Variants in DNAH12 observed in about 807,000 individuals in gnomAD.
DNAH12 encodes the protein axonemal beta dynein heavy chain 12.
Under a neutral mutation model 371.5 loss-of-function variants are expected in DNAH12, and 285 were observed. The ratio of observed to expected loss-of-function variants is 0.77; its 90% CI spans 0.70 to 0.85. The LOEUF (loss-of-function observed/expected upper bound fraction) is 0.85, where lower values mean the gene tolerates loss of function less well. Ranked by LOEUF, DNAH12 falls within the 40% of genes least tolerant of loss-of-function variation. DNAH12 has a pLI of 0.00. For synonymous variants in DNAH12, 1,200 were observed against 1,213.0 expected (o/e 0.99, Z 0.22); for missense variants, 3,611 against 3,689.4 (o/e 0.98, Z 0.55).
At chr3:57,393,405 A>C (rs1248341283) in intron 44 of DNAH12, among the ~76,000 whole-genome samples, 1 of 152,096 alleles carries the variant, frequency 6.6e-6, no homozygotes, top group African/African-American at 2.4e-5. Flanking sequence ...AGGCAGGCGG[A>C]TCACGAGATC....
intron 58 of DNAH12, among the ~76,000 whole-genome samples, chr3:57,359,225 A>T (rs1279689302): frequency 6.6e-6 from 1 of 152,250 alleles, no homozygotes. Flanking sequence ...ATCATTTACC[A>T]TTAGTGTTCT....
At chr3:57,373,269 A>C (rs2063213345) in intron 55 of DNAH12, among the ~76,000 whole-genome samples, 2 of 151,922 alleles carry the variant, frequency 1.3e-5, no homozygotes, top group Non-Finnish European at 2.9e-5. Flanking sequence ...TTTTCACAGG[A>C]ATTAGAATTT....
rs545915722 is a variant in DNAH12, at chr3:57,429,614, T to C, written c.5064+77A>G. On this transcript the variant is annotated intron_variant, in intron 33 of 73. Transcript: ENST00000495027. ...AGTGCCTAACCCATTTTCTGACATATAATAAAAAATACTTATTGGCTAAAT... is the reference window on the plus strand; with the variant it reads ...AGTGCCTAACCCATTTTCTGACATACAATAAAAAATACTTATTGGCTAAAT... 8.2e-6 allele frequency: 11 copies of C among 1,337,008 alleles called. No individual in the cohort carries two copies. The South Asian group carries it at 1.0e-4, about 12-fold the overall frequency. 82.8% of individuals were successfully genotyped at this position (1,337,008 alleles called of 1,614,324 possible). A position where few individuals can be genotyped will look rare whatever the true frequency, so the allele number is the denominator to read the frequency against.
intron 60 of DNAH12, among the ~76,000 whole-genome samples, chr3:57,344,526 G>C (rs1355171681): frequency 6.6e-6 from 1 of 152,048 alleles, no homozygotes; most frequent in Non-Finnish European, 1.5e-5. Flanking sequence ...AATAACCAAG[G>C]TATGGAATCA....
In DNAH12 at chr3:57,421,714, T is replaced by G; in HGVS notation, c.5374-8A>C. On this transcript the variant is annotated splice_region_variant and splice_polypyrimidine_tract_variant and intron_variant, in intron 35 of 73. Transcript: ENST00000495027. ...AGAGAATATAAAGCAAGCCTGTTGGTGGAGAAAAAATTTAACTTATAGCAA... is the reference window on the plus strand; with the variant it reads ...AGAGAATATAAAGCAAGCCTGTTGGGGGAGAAAAAATTTAACTTATAGCAA... 6.4e-7 allele frequency: 1 copy of G among 1,551,450 alleles called. No homozygotes were observed.
the DNAH12 span, among the ~76,000 whole-genome samples, chr3:57,553,046 C>T: frequency 6.6e-6 from 1 of 152,034 alleles, no homozygotes; most frequent in Non-Finnish European, 1.5e-5. Flanking sequence ...TGTAGTGATG[C>T]ATACCTGTAA....
In DNAH12 at chr3:57,387,656, T is replaced by C. The variant is rs898129515; in HGVS notation, c.7306-437A>G. 4.0e-3 allele frequency among the ~76,000 whole-genome samples: 612 copies of C among 152,290 alleles called. 2 individuals carry two copies. The highest frequency in any genetic ancestry group is 0.014 in the African/African-American group (583 of 41,556). ...AAAGACTAAATCTCCTAGACTCCCT[T>C]GGAATTCAGAATGGCCAATGACACA... On this transcript the variant is annotated intron_variant, in intron 45 of 73. Transcript: ENST00000495027.
intron 17 of DNAH12, among the ~76,000 whole-genome samples, chr3:57,466,984 G>A (rs968118523): frequency 1.9e-4 from 29 of 151,570 alleles, no homozygotes; most frequent in Admixed American, 1.8e-3. Flanking sequence ...TGAACTTCTG[G>A]CCTCGAATGA....
intron 8 of DNAH12, among the ~76,000 whole-genome samples, chr3:57,506,534 C>T (rs913108066): frequency 1.3e-5 from 2 of 152,078 alleles, no homozygotes; most frequent in Non-Finnish European, 2.9e-5. Flanking sequence ...CTCCGCCTCT[C>T]GGTCTCAAAC....
chr3:57,494,277 G>T (rs1382426653), intron 11 of DNAH12, among the ~76,000 whole-genome samples: 1 of 151,832 alleles, frequency 6.6e-6, no homozygotes, highest in African/African-American at 2.4e-5. Context: ...CATTGGCTGG[G>T]CCCAGTGTCT....
chr3:57,300,561 C>T (rs1231217734), intron 70 of DNAH12, among the ~76,000 whole-genome samples: 1 of 152,024 alleles, frequency 6.6e-6, no homozygotes, highest in Non-Finnish European at 1.5e-5. Context: ...AAATGGAAAT[C>T]ACACATACTA....
rs970783658 is a variant in DNAH12, at chr3:57,472,573, A to G, written c.1749T>C (p.Ile583=). 3.9e-6 allele frequency: 6 copies of G among 1,549,972 alleles called. No homozygotes were observed. The highest frequency in any genetic ancestry group is 5.2e-6 in the Non-Finnish European group (6 of 1,146,552). The change falls in exon 14 of 74, where the codon ATT becomes ATC. Residue 583 remains isoleucine, a synonymous_variant. Transcript: ENST00000495027. ...CATCATTTTCATCAAAGATGGGATT[A>G]ATTTTCCTAGGCCACATGAGGACAG... ...NATVLMWPRK[I]NPIFDENDEL...
At chr3:57,407,200 G>A (rs1421072005) in intron 40 of DNAH12, among the ~76,000 whole-genome samples, 3 of 144,924 alleles carry the variant, frequency 2.1e-5, no homozygotes, top group Non-Finnish European at 4.5e-5. Flanking sequence ...CCCAGCCAAC[G>A]TTTTTTATTT....
intron 55 of DNAH12, among the ~76,000 whole-genome samples, chr3:57,369,511 T>C (rs1429797626): frequency 6.6e-6 from 1 of 151,824 alleles, no homozygotes; most frequent in African/African-American, 2.4e-5. Flanking sequence ...AACTGTGTTC[T>C]TTTAGTTTCT....
chr3:57,506,784 C>A (rs1186634375), intron 8 of DNAH12, among the ~76,000 whole-genome samples: 1 of 152,026 alleles, frequency 6.6e-6, no homozygotes, highest in East Asian at 1.9e-4. Context: ...TTCTAGCACA[C>A]TACTGGGTGA....
In DNAH12 at chr3:57,313,550, A is replaced by G. The variant is rs539378286; in HGVS notation, c.10662+944T>C. ...ACAACTGTAGTCCAAGCTACTTGGGAGGCTGAGGCATAAGAATAGCTTGAA... is the reference window on the plus strand; with the variant it reads ...ACAACTGTAGTCCAAGCTACTTGGGGGGCTGAGGCATAAGAATAGCTTGAA... On this transcript the variant is annotated intron_variant, in intron 66 of 73. Coordinates refer to ENST00000495027, the MANE Select transcript of DNAH12 (RefSeq NM_001366028.2). Among the ~76,000 whole-genome samples, 709 of 152,300 alleles carry G rather than the reference A, an allele frequency of 4.7e-3. 2 individuals are homozygous for G. The highest frequency in any genetic ancestry group is 7.5e-3 in the Non-Finnish European group (511 of 68,038).
intron 73 of DNAH12, among the ~76,000 whole-genome samples, chr3:57,294,445 G>T (rs2061190607): frequency 6.6e-6 from 1 of 152,130 alleles, no homozygotes; most frequent in Non-Finnish European, 1.5e-5. Flanking sequence ...AAAGTGCTGG[G>T]ATTACAGGCG....
chr3:57,352,231 G>T lies in DNAH12; in HGVS notation c.9534-6C>A. ...CCAAAATCTTGGATTTGTTACTAAA[G>T]TTAAAAAGAAGGAAAACGTATTGTC... On this transcript the variant is annotated splice_region_variant and splice_polypyrimidine_tract_variant and intron_variant, in intron 59 of 73. Transcript: ENST00000495027. 6.5e-7 allele frequency: 1 copy of T among 1,528,524 alleles called. No individual in the cohort carries two copies. Among genetic ancestry groups the T allele is most frequent in the Non-Finnish European group, 8.8e-7 (1 of 1,141,628 alleles). The allele number at this position is 1,528,524 out of a possible 1,614,324, so 94.7% of individuals were successfully genotyped here.
chr3:57,424,019 A>G (rs1191470077), intron 35 of DNAH12, among the ~76,000 whole-genome samples: 1 of 152,036 alleles, frequency 6.6e-6, no homozygotes, highest in African/African-American at 2.4e-5. Flanking sequence ...GATTACAGGC[A>G]TGAGCCACGG....
Sources: gnomAD v4.1 joint callset for allele counts (sites outside exome capture counted in the v4.1 genomes callset) on GRCh38, gnomAD v4.1.1 for gene constraint, MANE v1.5 for transcripts, NCBI Gene and HGNC (gene_info 2026-07-23, HGNC 2026-07-21) for gene names.